Variants in CKM observed in about 807,000 individuals in gnomAD.
The protein encoded by CKM is creatine kinase M-type.
In CKM, 28 loss-of-function variants were observed where a neutral mutation model predicts 35.4. That is an observed-to-expected ratio of 0.79 (90% CI 0.59 to 1.08). CKM has a LOEUF of 1.08. Ranked by LOEUF, CKM falls within the 50% of genes least tolerant of loss-of-function variation. CKM has a pLI of 0.00. For synonymous variants in CKM, 215 were observed against 204.4 expected (o/e 1.05, Z -0.44); for missense variants, 484 against 509.8 (o/e 0.95, Z 0.49).
chr19:45,315,722 T>A, intron 3 of CKM, 125 bp from the exon 4 acceptor site: 1 of 1,300,242 alleles, frequency 7.7e-7, no homozygotes, highest in Non-Finnish European at 1.1e-6. Flanking sequence ...CCTCACTGAT[T>A]GGGTGTGTGG....
chr19:45,313,335 C>G (rs1319178899), intron 4 of CKM, among the ~76,000 whole-genome samples: 2 of 152,228 alleles, frequency 1.3e-5, no homozygotes, highest in East Asian at 3.9e-4. Flanking sequence ...TGGGGGGTGC[C>G]ACCGACCTTG....
In CKM at chr19:45,316,295, A is replaced by C. The variant is rs890948697; in HGVS notation, c.349-698T>G. On this transcript the variant is annotated intron_variant, in intron 3 of 7. Coordinates refer to ENST00000221476, the MANE Select transcript of CKM (RefSeq NM_001824.5). ...CCGTGAGCTGAGATCGAGCCACTGC[A>C]CTCCAACCTGGGTGACAGAGTGAGA... 3.4e-5 allele frequency among the ~76,000 whole-genome samples: 5 copies of C among 147,738 alleles called. 1 individual carries two copies. In the South Asian group the frequency reaches 6.5e-4, roughly 19 times the overall value.
chr19:45,306,959 G>A lies in CKM; in HGVS notation c.968-31C>T, dbSNP rs1971058681. The A allele has an allele frequency of 1.2e-6, 2 of 1,610,698 alleles. No homozygotes were observed. Among genetic ancestry groups the A allele is most frequent in the Non-Finnish European group, 1.7e-6 (2 of 1,179,394 alleles). On this transcript the variant is annotated intron_variant, in intron 7 of 7. Transcript: ENST00000221476. This position sits in a 1 kb window ranked among gnomAD's most constrained non-coding sequence, Gnocchi z 4.5. ...GGAGCAAGGGACAGGGGCGTGAAGA[G>A]GCAGCGAAGGTGCAGAGGGGCTGGG... is the stretch of plus-strand genomic sequence containing the variant.
Position 45,306,492 on chromosome 19 carries a change from A to G in CKM, c.*258T>C, listed in dbSNP as rs17875629. 6.0e-3 allele frequency: 3,319 copies of G among 548,976 alleles called. 102 individuals carry two copies. Among genetic ancestry groups the G allele is most frequent in the African/African-American group, 0.057 (3,019 of 52,888 alleles). 34.0% of individuals were successfully genotyped at this position (548,976 alleles called of 1,614,324 possible). A position where few individuals can be genotyped will look rare whatever the true frequency, so the allele number is the denominator to read the frequency against. ...CGAGTGTGCTGGGAGCTCTCCATTA[A>G]CTAGAGCTCCTGGTTGGGGTGGAGC... On this transcript the variant is annotated 3_prime_UTR_variant, in exon 8 of 8. Transcript: ENST00000221476. The surrounding 1 kb of genome is among the most constrained non-coding windows in gnomAD (Gnocchi z 4.5).
At chr19:45,320,529 G>C (rs912800464) in intron 1 of CKM, among the ~76,000 whole-genome samples, 11 of 152,234 alleles carry the variant, frequency 7.2e-5, no homozygotes, top group Non-Finnish European at 1.5e-4. Flanking sequence ...CGGAGTCTTA[G>C]ATCAAGGGCC....
intron 4 of CKM, among the ~76,000 whole-genome samples, chr19:45,312,752 G>C (rs940479724): frequency 6.6e-6 from 1 of 151,932 alleles, no homozygotes; most frequent in Non-Finnish European, 1.5e-5. Context: ...TCAGGATTTT[G>C]AGACCAGCCT....
rs1971183381 is a variant in CKM, at chr19:45,318,742, G to A, written c.194-763C>T. Reference sequence around the variant, plus strand: ...GGCCAGGAGAGAGGGGCTTCTCCCCGGCATCACACAGTGAGCTGGATGTGA... The same window carrying A: ...GGCCAGGAGAGAGGGGCTTCTCCCCAGCATCACACAGTGAGCTGGATGTGA... On this transcript the variant is annotated intron_variant, in intron 2 of 7. Transcript: ENST00000221476. Among the ~76,000 whole-genome samples, 3 of 152,110 alleles carry A rather than the reference G, an allele frequency of 2.0e-5. No homozygotes were observed. The South Asian group carries it at 6.2e-4, about 32-fold the overall frequency.
At chr19:45,312,437 T>A (rs76849105) in intron 4 of CKM, among the ~76,000 whole-genome samples, 4 of 151,224 alleles carry the variant, frequency 2.6e-5, no homozygotes, top group Admixed American at 1.3e-4. Context: ...TTTTTTTTTT[T>A]ATGAGACGGA....
intron 5 of CKM, among the ~76,000 whole-genome samples, chr19:45,308,828 A>G (rs911488149): frequency 1.3e-5 from 2 of 152,176 alleles, no homozygotes; most frequent in South Asian, 2.1e-4. Context: ...TGGGATCAGA[A>G]CTGATAACAC....
At chr19:45,310,363 G>A (rs1473809544) in intron 5 of CKM, among the ~76,000 whole-genome samples, 1 of 151,396 alleles carries the variant, frequency 6.6e-6, no homozygotes, top group Non-Finnish European at 1.5e-5. Context: ...CTCGTGATCC[G>A]CCCGCCTTGG....
intron 4 of CKM, among the ~76,000 whole-genome samples, chr19:45,313,303 T>C (rs1971127273): frequency 6.6e-6 from 1 of 152,158 alleles, no homozygotes; most frequent in Non-Finnish European, 1.5e-5. Flanking sequence ...ATCAGTGATC[T>C]CTGATGTTAC....
intron 1 of CKM, among the ~76,000 whole-genome samples, chr19:45,320,377 G>A (rs1022853451): frequency 2.0e-5 from 3 of 152,216 alleles, no homozygotes; most frequent in East Asian, 1.9e-4. Context: ...GATTACAGGC[G>A]TGAGCCACTG....
intron 4 of CKM, among the ~76,000 whole-genome samples, chr19:45,314,367 TC>T (rs1418734518): frequency 6.6e-6 from 1 of 152,152 alleles, no homozygotes; most frequent in Non-Finnish European, 1.5e-5. Flanking sequence ...CTTTTTTTTT[TC>T]TAGACATAAT....
chr19:45,308,621 T>C (rs1025563539), intron 5 of CKM, 89 bp from the exon 6 acceptor site: 538 of 1,476,172 alleles, frequency 3.6e-4, no homozygotes, highest in South Asian at 6.5e-4. Context: ...TGCCCACCGA[T>C]GGGGGAAGAG....
chr19:45,309,571 A>C (rs1451263653), intron 5 of CKM, among the ~76,000 whole-genome samples: 1 of 148,500 alleles, frequency 6.7e-6, no homozygotes, highest in African/African-American at 2.5e-5. Context: ...AAAAAAAAAA[A>C]AAACCTGAGG....
chr19:45,319,611 T>C lies in CKM; in HGVS notation c.103A>G (p.Thr35Ala), dbSNP rs772143386. The change falls in exon 2 of 8, where the codon ACC becomes GCC. Residue 35 changes from threonine to alanine, a missense_variant. By Grantham distance (58) the Thr-to-Ala change is moderately conservative. Transcript: ENST00000221476. Reference sequence around the variant, plus strand: ...CGCAGCTTCTTGTAGAGTTCAAGGGTCAGTACCTTGGCCATGTGGTTGTTA... The same window carrying C: ...CGCAGCTTCTTGTAGAGTTCAAGGGCCAGTACCTTGGCCATGTGGTTGTTA... ...KHNNHMAKVL[T>A]LELYKKLRDK... The C allele has an allele frequency of 7.4e-6, 12 of 1,613,910 alleles. No individual in the cohort carries two copies. Among genetic ancestry groups the C allele is most frequent in the Non-Finnish European group, 1.0e-5 (12 of 1,179,992 alleles).
chr19:45,314,407 T>C (rs1971138277), intron 4 of CKM, among the ~76,000 whole-genome samples: 1 of 152,136 alleles, frequency 6.6e-6, no homozygotes, highest in Admixed American at 6.6e-5. Flanking sequence ...GACTACAGTA[T>C]AGGATAAACA....
intron 1 of CKM, among the ~76,000 whole-genome samples, chr19:45,321,250 G>A (rs1419059686): frequency 3.3e-5 from 5 of 151,958 alleles, no homozygotes; most frequent in Non-Finnish European, 7.4e-5. Context: ...GTGAGAAGGT[G>A]GAGGTGAGGG....
chr19:45,321,258 G>A (rs1263830583), intron 1 of CKM, among the ~76,000 whole-genome samples: 2 of 152,010 alleles, frequency 1.3e-5, no homozygotes, highest in East Asian at 3.9e-4. Flanking sequence ...GTGGAGGTGA[G>A]GGTGCTGCTG....
Sources: allele counts gnomAD v4.1 joint callset (sites outside exome capture counted in the v4.1 genomes callset), GRCh38; gene constraint gnomAD v4.1.1; non-coding constraint Gnocchi (gnomAD v3.1); transcripts MANE v1.5; gene names NCBI Gene and HGNC (gene_info 2026-07-23, HGNC 2026-07-21).